The following NBEA variants were observed in gnomAD, a reference collection of about 807,000 sequenced individuals.
The protein encoded by NBEA is lysosomal-trafficking regulator 2.
Under a neutral mutation model 343.4 loss-of-function variants are expected in NBEA, and 44 were observed. That is an observed-to-expected ratio of 0.13 (90% CI 0.10 to 0.16). The LOEUF (loss-of-function observed/expected upper bound fraction) is 0.16, where lower values mean the gene tolerates loss of function less well. NBEA is among the 10% of genes least tolerant of loss of function. The probability of loss-of-function intolerance (pLI) is 1.00; values close to 1 mark genes in which losing one functional copy is unlikely to be tolerated. For missense variants in NBEA, 2,555 were observed against 3,631.3 expected (o/e 0.70, Z 7.62); for synonymous variants, 1,175 against 1,238.7 (o/e 0.95, Z 1.08).
At chr13:35,343,707 C>T (rs867554576) in intron 36 of NBEA, among the ~76,000 whole-genome samples, 2 of 152,104 alleles carry the variant, frequency 1.3e-5, no homozygotes, top group Non-Finnish European at 2.9e-5. Flanking sequence ...CTATTGTGAA[C>T]TGTGCATGCA....
chr13:35,101,214 T>C (rs1301805953), intron 11 of NBEA, among the ~76,000 whole-genome samples: 1 of 151,998 alleles, frequency 6.6e-6, no homozygotes. Context: ...GTTCAGTAGA[T>C]ACCTAGGAGT....
intron 6 of NBEA, among the ~76,000 whole-genome samples, chr13:35,052,181 AATTC>A (rs1251952846): frequency 6.6e-6 from 1 of 151,986 alleles, no homozygotes; most frequent in African/African-American, 2.4e-5. Context: ...ATTCAAAATA[AATTC>A]ATTCTCTTGT....
intron 17 of NBEA, among the ~76,000 whole-genome samples, chr13:35,139,772 T>TTTTA (rs1555316291): frequency 1.4e-5 from 2 of 142,794 alleles, no homozygotes; most frequent in Non-Finnish European, 3.1e-5. Flanking sequence ...TTTTTTTTTT[T>TTTTA]ATCTCTTGAC....
chr13:35,171,923 C>G (rs991416409), intron 26 of NBEA, among the ~76,000 whole-genome samples: 2 of 151,932 alleles, frequency 1.3e-5, no homozygotes, highest in Non-Finnish European at 2.9e-5. Context: ...ATTGTTATAC[C>G]CATGCTGTTC....
At chr13:35,086,627 C>T (rs767577209) in intron 10 of NBEA, among the ~76,000 whole-genome samples, 1 of 151,890 alleles carries the variant, frequency 6.6e-6, no homozygotes, top group Middle Eastern at 3.2e-3. Flanking sequence ...CATGTGAGTG[C>T]GTGTATCACT....
chr13:34,998,769 T>C (rs564319518), intron 1 of NBEA, among the ~76,000 whole-genome samples: 1 of 152,238 alleles, frequency 6.6e-6, no homozygotes, highest in South Asian at 2.1e-4. Flanking sequence ...ACACATGCTG[T>C]ACAATTTGTG....
At chr13:35,524,524 C>T (rs1267867015) in intron 41 of NBEA, among the ~76,000 whole-genome samples, 2 of 152,068 alleles carry the variant, frequency 1.3e-5, no homozygotes, top group African/African-American at 4.8e-5. Flanking sequence ...AAATAAGTTC[C>T]AAATCAAATT....
intron 55 of NBEA, 56 bp from the exon 56 acceptor site, chr13:35,665,029 A>T (rs2153086880): frequency 8.6e-7 from 1 of 1,158,034 alleles, no homozygotes; most frequent in Non-Finnish European, 1.3e-6. Flanking sequence ...TTGCTGGTGT[A>T]GCTCTCTCCC....
At chr13:35,114,100 A>G (rs2066373716) in intron 13 of NBEA, among the ~76,000 whole-genome samples, 1 of 152,182 alleles carries the variant, frequency 6.6e-6, no homozygotes, top group Admixed American at 6.5e-5. Flanking sequence ...TATGGTTTTT[A>G]GAAACCAAGA....
chr13:34,943,154 CCA>C, intron 1 of NBEA, 40 bp downstream of exon 1: 4 of 1,605,282 alleles, frequency 2.5e-6, no homozygotes, highest in Non-Finnish European at 3.4e-6. Flanking sequence ...TCCCCAGTCC[CCA>C]CATACACCGT....
chr13:35,148,638 C>T (rs2068584567), intron 18 of NBEA, among the ~76,000 whole-genome samples: 1 of 152,154 alleles, frequency 6.6e-6, no homozygotes, highest in Non-Finnish European at 1.5e-5. Context: ...CACATATGCA[C>T]ACAGAACTTT....
chr13:35,189,748 G>A (rs1465204773), intron 30 of NBEA, among the ~76,000 whole-genome samples: 1 of 151,930 alleles, frequency 6.6e-6, no homozygotes, highest in Non-Finnish European at 1.5e-5. Flanking sequence ...TCTAAAAGTA[G>A]TATTTTCAAA....
intron 38 of NBEA, among the ~76,000 whole-genome samples, chr13:35,362,589 G>A (rs1187970882): frequency 6.6e-6 from 1 of 151,916 alleles, no homozygotes; most frequent in Non-Finnish European, 1.5e-5. Flanking sequence ...AACACCGTGA[G>A]ATCTAAGATG....
At chr13:34,992,262 A>ATATTTT (rs1459023833) in intron 1 of NBEA, among the ~76,000 whole-genome samples, 10 of 114,366 alleles carry the variant, frequency 8.7e-5, no homozygotes, top group Admixed American at 5.1e-4. Context: ...ATATATATAT[A>ATATTTT]TTTTTTTTTT....
chr13:35,587,240 C>T (rs1451501958), intron 46 of NBEA, among the ~76,000 whole-genome samples: 1 of 152,144 alleles, frequency 6.6e-6, no homozygotes, highest in Non-Finnish European at 1.5e-5. Flanking sequence ...ACCCTGGAAG[C>T]TAAGAAAAGA....
At chr13:35,596,358 C>T (rs1172218470) in intron 47 of NBEA, among the ~76,000 whole-genome samples, 1 of 152,090 alleles carries the variant, frequency 6.6e-6, no homozygotes, top group Non-Finnish European at 1.5e-5. Context: ...TATTTCTAAG[C>T]TGTTAAAGCA....
At position 35,452,150 on chromosome 13, in the gene NBEA, C is replaced by A; in HGVS notation, c.6363C>A (p.Asn2121Lys). ...KKTFRSQAIV[N>K]QNAETELMLE... ...CATTCAGAAGTCAAGCAATAGTGAA[C>A]CAAAATGCAGAGACAGAACTTATGC... Residue 2121 changes from asparagine (N) to lysine (K), a missense_variant, in exon 40 of 59, where the codon AAC becomes AAA. By Grantham distance (94) the Asn-to-Lys change is moderately conservative. Transcript: ENST00000379939. 2 of 1,611,320 alleles carry A rather than the reference C, an allele frequency of 1.2e-6. No individual in the cohort carries two copies. Among genetic ancestry groups the A allele is most frequent in the Non-Finnish European group, 1.7e-6 (2 of 1,178,390 alleles).
At chr13:34,993,493 A>G (rs899413695) in intron 1 of NBEA, among the ~76,000 whole-genome samples, 19 of 152,246 alleles carry the variant, frequency 1.2e-4, no homozygotes, top group Non-Finnish European at 2.4e-4. Flanking sequence ...AAATCCAGAG[A>G]TGAATTGCTT....
chr13:35,027,575 G>C (rs1357440314), intron 1 of NBEA, among the ~76,000 whole-genome samples: 1 of 151,850 alleles, frequency 6.6e-6, no homozygotes, highest in Non-Finnish European at 1.5e-5. Flanking sequence ...TTACATTCTA[G>C]ATGAGTCCTT....
Sources: allele counts gnomAD v4.1 joint callset (sites outside exome capture counted in the v4.1 genomes callset), GRCh38; gene constraint gnomAD v4.1.1; transcripts MANE v1.5; gene names NCBI Gene and HGNC (gene_info 2026-07-23, HGNC 2026-07-21).